Variants in LYST observed in about 807,000 individuals in gnomAD.
LYST encodes the protein lysosomal-trafficking regulator.
LYST carries 192 observed loss-of-function variants against 413.6 expected under a neutral mutation model. That is an observed-to-expected ratio of 0.46 (90% confidence interval 0.41 to 0.52). LYST has a LOEUF of 0.52. Among genes scored for constraint, LYST ranks in the 20% least tolerant of loss-of-function variants. LYST has a pLI of 0.00. For missense variants in LYST, 3,815 were observed against 4,499.9 expected, an observed-to-expected ratio of 0.85 and a Z score of 4.35; for synonymous variants, 1,525 against 1,567.3, an observed-to-expected ratio of 0.97 and a Z score of 0.64.
intron 44 of LYST, among the ~76,000 whole-genome samples, chr1:235,708,588 C>T (rs949326293): frequency 1.3e-5 from 2 of 152,142 alleles, no homozygotes; most frequent in African/African-American, 2.4e-5. Context: ...TCAGTATGTG[C>T]GAGGCAGAGG....
chr1:235,869,354 C>T (rs1331668420), upstream of LYST, among the ~76,000 whole-genome samples: 2 of 152,296 alleles, frequency 1.3e-5, no homozygotes, highest in South Asian at 2.1e-4. Context: ...CGCCTGTAGT[C>T]TCAGCTAATC....
At chr1:235,783,686 T>TA (rs1670108384) in intron 14 of LYST, among the ~76,000 whole-genome samples, 1 of 152,118 alleles carries the variant, frequency 6.6e-6, no homozygotes, top group Non-Finnish European at 1.5e-5. Flanking sequence ...ATAGTGTTTT[T>TA]AAGGGTGAAA....
intron 27 of LYST, among the ~76,000 whole-genome samples, chr1:235,751,718 G>A (rs1666515668): frequency 6.6e-6 from 1 of 151,776 alleles, no homozygotes. Context: ...AAAACTAAAG[G>A]GTATTACTAT....
intron 50 of LYST, among the ~76,000 whole-genome samples, chr1:235,666,607 T>TACACACACACACACACACACACACAC (rs10635511): frequency 7.1e-6 from 1 of 141,364 alleles, no homozygotes; most frequent in Non-Finnish European, 1.5e-5. Flanking sequence ...CACACACACA[T>TACACACACACACACACACACACACAC]ACACACACAC....
chr1:235,703,398 C>A (rs756443598), intron 44 of LYST, among the ~76,000 whole-genome samples: 1 of 152,032 alleles, frequency 6.6e-6, no homozygotes, highest in South Asian at 2.1e-4. Flanking sequence ...AAAAGAGCAG[C>A]AATGAAAATT....
chr1:235,788,558 T>C, intron 13 of LYST, 143 bp downstream of exon 13: 1 of 730,044 alleles, frequency 1.4e-6, no homozygotes. Flanking sequence ...GTGGTATTAA[T>C]AGCTGTTAGA....
At chr1:235,785,088 C>T (rs1670282325) in intron 14 of LYST, among the ~76,000 whole-genome samples, 1 of 152,170 alleles carries the variant, frequency 6.6e-6, no homozygotes, top group Non-Finnish European at 1.5e-5. Flanking sequence ...CAGCTGTAAG[C>T]AATCAATTGC....
chr1:235,804,732 AAAT>A lies in LYST; in HGVS notation c.3394-70_3394-68del, dbSNP rs1260820528. The A allele has an allele frequency of 7.6e-5, 70 of 924,558 alleles. No individual in the cohort carries two copies. In the East Asian group the frequency reaches 1.4e-3, roughly 18 times the overall value. The allele number at this position is 924,558 out of a possible 1,614,324, so 57.3% of individuals were successfully genotyped here. A position where few individuals can be genotyped will look rare whatever the true frequency, so the allele number is the denominator to read the frequency against. On this transcript the variant is annotated intron_variant, in intron 6 of 52. Transcript: ENST00000389793. Reference sequence around the variant, plus strand: ...TTAAAAAACTAAATGATGAAAAAATAAATAATAAATATTTACTTAAGTATAAAG... The same window carrying A: ...TTAAAAAACTAAATGATGAAAAAATAAATAAATATTTACTTAAGTATAAAG...
At chr1:235,779,528 A>G (rs1217871024) in intron 16 of LYST, among the ~76,000 whole-genome samples, 2 of 152,216 alleles carry the variant, frequency 1.3e-5, no homozygotes, top group Non-Finnish European at 1.5e-5. Flanking sequence ...TGTAAATTCC[A>G]GGGTCACACT....
At chr1:235,754,224 CT>C (rs1558192376) in intron 25 of LYST, among the ~76,000 whole-genome samples, 5 of 111,362 alleles carry the variant, frequency 4.5e-5, no homozygotes, top group Non-Finnish European at 4.2e-5. Flanking sequence ...TTTTTCTTTT[CT>C]TTTCTTTTTT....
chr1:235,675,632 T>C (rs1659325681), intron 50 of LYST, among the ~76,000 whole-genome samples: 1 of 152,170 alleles, frequency 6.6e-6, no homozygotes, highest in African/African-American at 2.4e-5. Flanking sequence ...GGACAGACAC[T>C]CCAGCACTCA....
chr1:235,833,261 C>A (rs562077916), intron 2 of LYST, among the ~76,000 whole-genome samples: 1 of 151,606 alleles, frequency 6.6e-6, no homozygotes, highest in South Asian at 2.1e-4. Flanking sequence ...ACGGTATTTT[C>A]TTTAAATTTT....
chr1:235,698,651 C>T (rs1661292538), intron 45 of LYST, among the ~76,000 whole-genome samples: 1 of 152,080 alleles, frequency 6.6e-6, no homozygotes, highest in South Asian at 2.1e-4. Context: ...GCGGGCGGAT[C>T]ATGAAGTCAG....
chr1:235,755,728 T>C, intron 24 of LYST, 81 bp from the exon 25 acceptor site: 1 of 790,210 alleles, frequency 1.3e-6, no homozygotes, highest in Non-Finnish European at 2.1e-6. Context: ...CACAACTGTA[T>C]TTGTAAATTA....
intron 17 of LYST, among the ~76,000 whole-genome samples, chr1:235,776,292 A>G (rs1162632609): frequency 1.3e-5 from 2 of 152,202 alleles, no homozygotes; most frequent in Non-Finnish European, 2.9e-5. Context: ...GAACCCTAAC[A>G]ACAACAAACG....
chr1:235,796,158 G>A (rs1455962914), intron 10 of LYST, among the ~76,000 whole-genome samples: 2 of 151,800 alleles, frequency 1.3e-5, no homozygotes, highest in Non-Finnish European at 2.9e-5. Flanking sequence ...AAAGAGGAGG[G>A]AATATGGAGA....
intron 25 of LYST, 48 bp downstream of exon 25, chr1:235,755,430 A>G: frequency 7.8e-7 from 1 of 1,276,940 alleles, no homozygotes; most frequent in African/African-American, 1.5e-5. Flanking sequence ...AAAGAAAAGA[A>G]AAAAGACAAA....
chr1:235,751,187 T>C (rs1352804805), intron 28 of LYST, 23 bp downstream of exon 28: 4 of 1,610,036 alleles, frequency 2.5e-6, no homozygotes, highest in Non-Finnish European at 3.4e-6. Context: ...TTATGGTTAT[T>C]AAAATATGAT....
intron 3 of LYST, chr1:235,828,066 A>C: frequency 5.8e-6 from 4 of 693,528 alleles, no homozygotes; most frequent in Non-Finnish European, 5.3e-6. Context: ...TAAAACTACA[A>C]TAAGATACTA....
Sources: allele counts gnomAD v4.1 joint callset (sites outside exome capture counted in the v4.1 genomes callset), GRCh38; gene constraint gnomAD v4.1.1; transcripts MANE v1.5; gene names NCBI Gene and HGNC (gene_info 2026-07-23, HGNC 2026-07-21).